The following PLAGL1 variants were observed in gnomAD, a reference collection of about 807,000 sequenced individuals.
PLAGL1 encodes zinc finger protein PLAGL1.
PLAGL1 carries 1 observed loss-of-function variant against 4.6 expected under a neutral mutation model. The observed-to-expected ratio is 0.22, with a 90% CI of 0.08 to 1.03. PLAGL1 has a LOEUF of 1.03. PLAGL1 is among the 50% of genes least tolerant of loss of function. The pLI is 0.58. For synonymous variants in PLAGL1, 240 were observed against 237.8 expected, an observed-to-expected ratio of 1.01 and a Z score of -0.08; for missense variants, 464 against 570.4, an observed-to-expected ratio of 0.81 and a Z score of 1.90.
Position 143,955,037 on chromosome 6 carries a change from G to C in PLAGL1, c.-325+5432C>G, listed in dbSNP as rs1180374937. Among the ~76,000 whole-genome samples, 2 of 152,196 alleles carry C rather than the reference G, an allele frequency of 1.3e-5. No individual in the cohort carries two copies. Among genetic ancestry groups the C allele is most frequent in the Admixed American group, 1.3e-4 (2 of 15,286 alleles). ...ATGGACAGGATATATTCAAAGATGT[G>C]TTTCCTCAGGAATGAATGGACAGAA... is the stretch of plus-strand genomic sequence containing the variant. On this transcript the variant is annotated intron_variant, in intron 6 of 7. Coordinates refer to ENST00000674357, the MANE Select transcript of PLAGL1 (RefSeq NM_001317162.2). This position sits in a 1 kb window ranked among gnomAD's most constrained non-coding sequence, Gnocchi z 4.9.
At chr6:144,008,383 A>C (rs895302452), upstream of PLAGL1, 1 of 151,822 alleles carries the variant, frequency 6.6e-6, no homozygotes, top group Non-Finnish European at 1.5e-5. This position sits in a 1 kb window ranked among gnomAD's most constrained non-coding sequence, Gnocchi z 6.9. Context: ...TGCGCCGAGG[A>C]GGCCGCGCGC....
chr6:143,978,283 G>T lies in PLAGL1; in HGVS notation c.-544+6852C>A, dbSNP rs1167668254. ...TGGAAACTGAGGTTATTGATTTTAG[G>T]TTCTTTTTCTTTTCTAATACATCAT... On this transcript the variant is annotated intron_variant, in intron 2 of 7. Transcript: ENST00000674357. This position sits in a 1 kb window ranked among gnomAD's most constrained non-coding sequence, Gnocchi z 4.6. Among the ~76,000 whole-genome samples, 2 of 151,936 alleles carry T rather than the reference G, an allele frequency of 1.3e-5. No homozygotes were observed. The highest frequency in any genetic ancestry group is 2.9e-5 in the Non-Finnish European group (2 of 67,978).
At chr6:144,032,293 T>C (rs1166753591) in intron 1 of PLAGL1, among the ~76,000 whole-genome samples, 1 of 150,562 alleles carries the variant, frequency 6.6e-6, no homozygotes, top group Non-Finnish European at 1.5e-5. Context: ...GCTTTTTTTT[T>C]TTTTTTTTTT....
chr6:143,950,848 C>T lies in PLAGL1; in HGVS notation c.-324-2388G>A, dbSNP rs1032189565. Among the ~76,000 whole-genome samples, 6 of 152,214 alleles carry T rather than the reference C, an allele frequency of 3.9e-5. No individual in the cohort carries two copies. The highest frequency in any genetic ancestry group is 7.2e-5 in the African/African-American group (3 of 41,458). On this transcript the variant is annotated intron_variant, in intron 6 of 7. Transcript: ENST00000674357. This position sits in a 1 kb window ranked among gnomAD's most constrained non-coding sequence, Gnocchi z 6.3. Reference sequence around the variant, plus strand: ...ACAGATGTGATGGCTACTGAGCACTCAAAATGTGCCTCTGAGAAACTGAAA... The same window carrying T: ...ACAGATGTGATGGCTACTGAGCACTTAAAATGTGCCTCTGAGAAACTGAAA...
In PLAGL1 at chr6:143,961,759, G is replaced by C. The variant is rs59148328; in HGVS notation, c.-398-1217C>G. ...ATTTTTTTTGAAAGAGCTTTAAAAA[G>C]ACATTAAAGCAAAAGAGTAAAATTC... On this transcript the variant is annotated intron_variant, in intron 5 of 7. Transcript: ENST00000674357. The surrounding 1 kb of genome is among the most constrained non-coding windows in gnomAD (Gnocchi z 6.5). 6.7e-3 allele frequency among the ~76,000 whole-genome samples: 1,018 copies of C among 152,226 alleles called. 44 individuals are homozygous for C. In the East Asian group the frequency reaches 0.11, roughly 17 times the overall value.
intron 1 of PLAGL1, among the ~76,000 whole-genome samples, chr6:144,028,666 C>T (rs1007171203): frequency 3.3e-5 from 5 of 152,164 alleles, no homozygotes; most frequent in African/African-American, 1.2e-4. Context: ...TCTGGATAAA[C>T]TAGCTCTATT....
Position 143,989,292 on chromosome 6 carries a change from T to C in PLAGL1, c.-583-4118A>G, listed in dbSNP as rs1789892418. Among the ~76,000 whole-genome samples, 1 of 152,152 alleles carries C rather than the reference T, an allele frequency of 6.6e-6. No individual in the cohort carries two copies. The highest frequency in any genetic ancestry group is 6.5e-5 in the Admixed American group (1 of 15,282). Reference sequence around the variant, plus strand: ...GAGTGTGATATGACAGTGAATTGTGTCAACGTGACTGTGCCACAAGTGCCA... The same window carrying C: ...GAGTGTGATATGACAGTGAATTGTGCCAACGTGACTGTGCCACAAGTGCCA... On this transcript the variant is annotated intron_variant, in intron 1 of 7. Coordinates refer to ENST00000674357, the MANE Select transcript of PLAGL1 (RefSeq NM_001317162.2). The surrounding 1 kb of genome is among the most constrained non-coding windows in gnomAD (Gnocchi z 4.8).
intron 1 of PLAGL1, among the ~76,000 whole-genome samples, chr6:143,998,884 G>A (rs781614357): frequency 6.6e-6 from 1 of 152,152 alleles, no homozygotes; most frequent in Non-Finnish European, 1.5e-5. Context: ...CTGTGCCACT[G>A]GATTAGTTTT....
intron 2 of PLAGL1, among the ~76,000 whole-genome samples, chr6:143,976,016 T>A (rs1292892117): frequency 1.3e-5 from 2 of 152,192 alleles, no homozygotes; most frequent in African/African-American, 4.8e-5. Context: ...ACAGATTAAT[T>A]ATGTAGCACA....
In PLAGL1 at chr6:143,958,657, G is replaced by C. The variant is rs569748995; in HGVS notation, c.-325+1812C>G. Among the ~76,000 whole-genome samples, 31 of 152,340 alleles carry C rather than the reference G, an allele frequency of 2.0e-4. 1 individual carries two copies. Among genetic ancestry groups the C allele is most frequent in the African/African-American group, 6.7e-4 (28 of 41,574 alleles). On this transcript the variant is annotated intron_variant, in intron 6 of 7. Coordinates refer to ENST00000674357, the MANE Select transcript of PLAGL1 (RefSeq NM_001317162.2). This position sits in a 1 kb window ranked among gnomAD's most constrained non-coding sequence, Gnocchi z 5.1. Reference sequence around the variant, plus strand: ...AAAGCAAATTGTTCATCCAGGAATAGTTAATTTGAGAAATAAAAATATTTA... The same window carrying C: ...AAAGCAAATTGTTCATCCAGGAATACTTAATTTGAGAAATAAAAATATTTA...
rs1037413879 is a variant in PLAGL1 at position 144,063,708 on chromosome 6, C to T, written c.-151+760G>A. ...CTAGACCCATGAACACTCGGGAAGC[C>T]CCAGGGGTATCTCTGTCCTCGACAC... On this transcript the variant is annotated intron_variant, in intron 1 of 3. Transcript: ENST00000437412. This position sits in a 1 kb window ranked among gnomAD's most constrained non-coding sequence, Gnocchi z 5.7. Among the ~76,000 whole-genome samples the T allele has an allele frequency of 1.1e-4, 16 of 152,272 alleles. No individual in the cohort carries two copies. The highest frequency in any genetic ancestry group is 3.4e-3 in the Middle Eastern group (1 of 294).
rs1391104958 is a variant in PLAGL1, at chr6:143,941,283, C to A, written c.*141G>T. ...GCACAATACATGCAGTTCGAGAATT[C>A]TCTTATCATCTCAAGCCAGTCATCA... On this transcript the variant is annotated 3_prime_UTR_variant, in exon 8 of 8. Coordinates refer to ENST00000674357, the MANE Select transcript of PLAGL1 (RefSeq NM_001317162.2). The surrounding 1 kb of genome is among the most constrained non-coding windows in gnomAD (Gnocchi z 6.0). 14 of 604,492 alleles carry A rather than the reference C, an allele frequency of 2.3e-5. No homozygotes were observed. The highest frequency in any genetic ancestry group is 8.2e-6 in the Non-Finnish European group (3 of 366,374). 37.4% of individuals were successfully genotyped at this position (604,492 alleles called of 1,614,324 possible).
intron 1 of PLAGL1, among the ~76,000 whole-genome samples, chr6:144,045,827 A>G (rs186181911): frequency 6.2e-4 from 94 of 152,314 alleles, no homozygotes; most frequent in Non-Finnish European, 4.4e-5. Context: ...AGGTACACCA[A>G]TCAAACGTAG....
chr6:143,983,205 G>C lies in PLAGL1; in HGVS notation c.-544+1930C>G, dbSNP rs1788330503. On this transcript the variant is annotated intron_variant, in intron 2 of 7. Transcript: ENST00000674357. The surrounding 1 kb of genome is among the most constrained non-coding windows in gnomAD (Gnocchi z 6.6). ...ACTTCACAGAGCAGCATGATCAGTGGGGTCAGTGCTTCTGACAGGTCAAGG... is the reference window on the plus strand; with the variant it reads ...ACTTCACAGAGCAGCATGATCAGTGCGGTCAGTGCTTCTGACAGGTCAAGG... Among the ~76,000 whole-genome samples, 1 of 152,138 alleles carries C rather than the reference G, an allele frequency of 6.6e-6. No individual in the cohort carries two copies. The highest frequency in any genetic ancestry group is 1.5e-5 in the Non-Finnish European group (1 of 68,014).
Position 143,966,591 on chromosome 6 carries a change from G to A in PLAGL1, c.-471-393C>T, listed in dbSNP as rs1204251898. On this transcript the variant is annotated intron_variant, in intron 3 of 7. Coordinates refer to ENST00000674357, the MANE Select transcript of PLAGL1 (RefSeq NM_001317162.2). The surrounding 1 kb of genome is among the most constrained non-coding windows in gnomAD (Gnocchi z 6.0). ...TCTTAATGCGGTTTCAATTTACATG[G>A]TGATTGTGTGTTTTATGAACCACCT... is the stretch of plus-strand genomic sequence containing the variant. 2 of 152,136 alleles carry A rather than the reference G, an allele frequency of 1.3e-5. No homozygotes were observed. Among genetic ancestry groups the A allele is most frequent in the African/African-American group, 4.8e-5 (2 of 41,420 alleles). 9.4% of individuals were successfully genotyped at this position (152,136 alleles called of 1,614,324 possible). A position where few individuals can be genotyped will look rare whatever the true frequency, so the allele number is the denominator to read the frequency against.
At position 144,064,341 on chromosome 6, in the gene PLAGL1, G is replaced by C. The variant is rs1445991667; in HGVS notation, c.-151+127C>G. 1 of 151,578 alleles carries C rather than the reference G, an allele frequency of 6.6e-6. No homozygotes were observed. The highest frequency in any genetic ancestry group is 2.4e-5 in the African/African-American group (1 of 41,068). The allele number at this position is 151,578 out of a possible 1,614,324, so 9.4% of individuals were successfully genotyped here. On this transcript the variant is annotated intron_variant, in intron 1 of 3. Transcript: ENST00000437412. This position sits in a 1 kb window ranked among gnomAD's most constrained non-coding sequence, Gnocchi z 6.8. ...GGCCCGCGGACTCCGCGCGGCACGT[G>C]GGCACCTGCGGCACGGGTTGGAGCC...
chr6:143,990,410 TG>T lies in PLAGL1; in HGVS notation c.-583-5237del, dbSNP rs1206179645. On this transcript the variant is annotated intron_variant, in intron 1 of 7. Coordinates refer to ENST00000674357, the MANE Select transcript of PLAGL1 (RefSeq NM_001317162.2). This position sits in a 1 kb window ranked among gnomAD's most constrained non-coding sequence, Gnocchi z 5.4. Reference sequence around the variant, plus strand: ...CAGGGATTACAGGTGTGAGCCATCGTGCCCGGCTGATATTCCTCAATTTTTA... The same window carrying T: ...CAGGGATTACAGGTGTGAGCCATCGTCCCGGCTGATATTCCTCAATTTTTA... Among the ~76,000 whole-genome samples, 1 of 152,182 alleles carries T rather than the reference TG, an allele frequency of 6.6e-6. No individual in the cohort carries two copies. The highest frequency in any genetic ancestry group is 1.5e-5 in the Non-Finnish European group (1 of 68,030).
chr6:143,974,045 AAGGAGAG>A (rs1785955963), intron 2 of PLAGL1, among the ~76,000 whole-genome samples: 1 of 152,204 alleles, frequency 6.6e-6, no homozygotes, highest in Non-Finnish European at 1.5e-5. Flanking sequence ...ATGGTTAGTC[AAGGAGAG>A]AGGAGAGAGC....
rs1359731471 is a variant in PLAGL1, at chr6:144,005,873, G to A, written c.-584+2217C>T. 1.3e-5 allele frequency: 2 copies of A among 152,104 alleles called. No homozygotes were observed. Among genetic ancestry groups the A allele is most frequent in the East Asian group, 3.9e-4 (2 of 5,188 alleles). The allele number at this position is 152,104 out of a possible 1,614,324, so 9.4% of individuals were successfully genotyped here. ...GAACTGAGGAACAGAAATTATTGAG[G>A]TAAATACAATATGTTAGCATTTTAA... On this transcript the variant is annotated intron_variant, in intron 1 of 7. Coordinates refer to ENST00000674357, the MANE Select transcript of PLAGL1 (RefSeq NM_001317162.2). The surrounding 1 kb of genome is among the most constrained non-coding windows in gnomAD (Gnocchi z 4.6).
Sources: gnomAD v4.1 joint callset for allele counts (sites outside exome capture counted in the v4.1 genomes callset) on GRCh38, gnomAD v4.1.1 for gene constraint, Gnocchi (gnomAD v3.1) non-coding constraint, MANE v1.5 for transcripts, NCBI Gene and HGNC (gene_info 2026-07-23, HGNC 2026-07-21) for gene names.